Variants in ELAPOR2 observed in about 807,000 individuals in gnomAD.
ELAPOR2 encodes endosome-lysosome associated apoptosis and autophagy regulator family member 2, also known as endosome/lysosome-associated apoptosis and autophagy regulator family member 2.
ELAPOR2 carries 89 observed loss-of-function variants against 120.7 expected under a neutral mutation model. The observed-to-expected ratio is 0.74, with a 90% CI of 0.62 to 0.88. The LOEUF is 0.88. Ranked by LOEUF, ELAPOR2 falls within the 40% of genes least tolerant of loss-of-function variation. ELAPOR2 has a pLI of 0.00. For missense variants in ELAPOR2, 1,134 were observed against 1,251.6 expected (o/e 0.91, Z 1.42); for synonymous variants, 444 against 444.9 (o/e 1.00, Z 0.03).
intron 1 of ELAPOR2, among the ~76,000 whole-genome samples, chr7:87,032,775 G>A (rs555854371): frequency 6.6e-6 from 1 of 152,248 alleles, no homozygotes; most frequent in East Asian, 1.9e-4. Context: ...GCATAAAAAG[G>A]AAGTTTCTCA....
At chr7:86,946,157 T>TCACACACACA (rs1491424238) in intron 3 of ELAPOR2, among the ~76,000 whole-genome samples, 1,137 of 110,572 alleles carry the variant, frequency 0.01, 12 homozygotes, top group African/African-American at 0.045. Context: ...GGATACCATT[T>TCACACACACA]CTCACACACA....
At chr7:86,998,965 G>C (rs1793218796) in intron 1 of ELAPOR2, among the ~76,000 whole-genome samples, 1 of 151,778 alleles carries the variant, frequency 6.6e-6, no homozygotes, top group African/African-American at 2.4e-5. Context: ...GAGAGCTATG[G>C]AGCTTTCAAG....
intron 1 of ELAPOR2, among the ~76,000 whole-genome samples, chr7:87,003,451 T>C (rs1793380782): frequency 6.6e-6 from 1 of 152,116 alleles, no homozygotes; most frequent in Admixed American, 6.6e-5. Context: ...CTCATGATAG[T>C]GAGTTCTCAC....
At chr7:87,023,430 G>A (rs1794130617) in intron 1 of ELAPOR2, among the ~76,000 whole-genome samples, 1 of 152,152 alleles carries the variant, frequency 6.6e-6, no homozygotes, top group Middle Eastern at 3.2e-3. Flanking sequence ...CTATATCTCT[G>A]TTTTGGTACC....
At chr7:86,978,179 C>T (rs913379368) in intron 1 of ELAPOR2, among the ~76,000 whole-genome samples, 38 of 152,240 alleles carry the variant, frequency 2.5e-4, no homozygotes, top group African/African-American at 9.1e-4. Flanking sequence ...AAGCATCTGG[C>T]GTTTCCACTG....
At chr7:87,035,839 A>G (rs907960932) in intron 1 of ELAPOR2, among the ~76,000 whole-genome samples, 2 of 152,190 alleles carry the variant, frequency 1.3e-5, no homozygotes, top group African/African-American at 4.8e-5. Flanking sequence ...ATTTAAATCA[A>G]TTATGTTGGA....
chr7:86,878,480 C>A lies in ELAPOR2; in HGVS notation c.*1991G>T, dbSNP rs971418991. On this transcript the variant is annotated 3_prime_UTR_variant, in exon 22 of 22. Coordinates refer to ENST00000450689, the MANE Select transcript of ELAPOR2 (RefSeq NM_001142749.3). ...TTTTGACATGTCAGAGATTTTAGTC[C>A]AGTGACAGGAGAAGAAAGAAGCTAC... 14 of 152,170 alleles carry A rather than the reference C, an allele frequency of 9.2e-5. No individual in the cohort carries two copies. The highest frequency in any genetic ancestry group is 3.4e-4 in the African/African-American group (14 of 41,526). The allele number at this position is 152,170 out of a possible 1,614,324, so 9.4% of individuals were successfully genotyped here.
intron 1 of ELAPOR2, among the ~76,000 whole-genome samples, chr7:87,035,891 A>G (rs1472575270): frequency 6.6e-6 from 1 of 152,220 alleles, no homozygotes; most frequent in African/African-American, 2.4e-5. Flanking sequence ...TTGAATCCCA[A>G]TTCTGTTTTC....
intron 1 of ELAPOR2, among the ~76,000 whole-genome samples, chr7:87,041,947 C>G (rs1794802054): frequency 6.6e-6 from 1 of 151,696 alleles, no homozygotes; most frequent in Admixed American, 6.6e-5. Flanking sequence ...ACAAAAATGG[C>G]AGGGGTTGCA....
chr7:86,889,692 G>A (rs1350545784), intron 21 of ELAPOR2, among the ~76,000 whole-genome samples: 1 of 151,988 alleles, frequency 6.6e-6, no homozygotes, highest in East Asian at 1.9e-4. Flanking sequence ...AGTTGACGGT[G>A]GGTAACTAAA....
intron 1 of ELAPOR2, among the ~76,000 whole-genome samples, chr7:87,041,371 T>G (rs368115095): frequency 6.6e-6 from 1 of 152,116 alleles, no homozygotes; most frequent in African/African-American, 2.4e-5. Context: ...GAGAAAGGTC[T>G]GGTTACCCTT....
rs193178643 is a variant in ELAPOR2 at position 86,940,560 on chromosome 7, C to G, written c.742-445G>C. Among the ~76,000 whole-genome samples the G allele has an allele frequency of 1.0e-3, 153 of 152,040 alleles. 3 individuals are homozygous for G. In the South Asian group the frequency reaches 0.012, roughly 12 times the overall value. On this transcript the variant is annotated intron_variant, in intron 5 of 21. Coordinates refer to ENST00000450689, the MANE Select transcript of ELAPOR2 (RefSeq NM_001142749.3). ...TTTAAAAATATATTTAATAAAAATA[C>G]TGCTACAGTAACAAGAAAAAATAGG...
intron 15 of ELAPOR2, 148 bp from the exon 16 acceptor site, chr7:86,910,149 C>T (rs541137083): frequency 3.4e-5 from 20 of 587,686 alleles, no homozygotes; most frequent in African/African-American, 3.0e-4. Flanking sequence ...GCCTAGCCAC[C>T]CATCAGTACT....
At chr7:86,939,065 G>C (rs1311866484) in intron 6 of ELAPOR2, 105 bp from the exon 7 acceptor site, 2 of 1,254,824 alleles carry the variant, frequency 1.6e-6, no homozygotes, top group Non-Finnish European at 2.2e-6. Flanking sequence ...TATATGAACA[G>C]TAAGGTCAGC....
chr7:87,010,002 GA>G (rs869088592), intron 1 of ELAPOR2, among the ~76,000 whole-genome samples: 2 of 145,258 alleles, frequency 1.4e-5, no homozygotes, highest in Non-Finnish European at 3.0e-5. Context: ...AAGAAAGAAA[GA>G]AAAAAAGTCC....
At chr7:86,992,771 T>C (rs922433402) in intron 1 of ELAPOR2, among the ~76,000 whole-genome samples, 2 of 152,178 alleles carry the variant, frequency 1.3e-5, no homozygotes, top group Non-Finnish European at 2.9e-5. Context: ...GACAAAATTA[T>C]AAAAAGAAGT....
intron 1 of ELAPOR2, among the ~76,000 whole-genome samples, chr7:87,041,846 T>C (rs1487352391): frequency 6.6e-6 from 1 of 151,848 alleles, no homozygotes; most frequent in Non-Finnish European, 1.5e-5. Flanking sequence ...GACCCATCAG[T>C]GTGCTGTATT....
At chr7:86,925,889 A>G (rs936373067) in intron 9 of ELAPOR2, among the ~76,000 whole-genome samples, 24 of 152,040 alleles carry the variant, frequency 1.6e-4, no homozygotes, top group African/African-American at 5.8e-4. Context: ...TGAAAAAGGA[A>G]AAGGACAGAA....
intron 8 of ELAPOR2, among the ~76,000 whole-genome samples, 193 bp from the exon 9 acceptor site, chr7:86,927,109 G>A (rs1316242402): frequency 6.6e-6 from 1 of 151,788 alleles, no homozygotes; most frequent in East Asian, 1.9e-4. Context: ...ACTTCCAAAT[G>A]CTTTTACCCT....
Sources: gnomAD v4.1 joint callset for allele counts (sites outside exome capture counted in the v4.1 genomes callset) on GRCh38, gnomAD v4.1.1 for gene constraint, MANE v1.5 for transcripts, NCBI Gene and HGNC (gene_info 2026-07-23, HGNC 2026-07-21) for gene names.